Variants in DIP2C observed in about 807,000 individuals in gnomAD.
The protein encoded by DIP2C is disco-interacting protein 2 homolog C.
DIP2C carries 33 observed loss-of-function variants against 192.4 expected under a neutral mutation model. The observed-to-expected ratio is 0.17, with a 90% CI of 0.13 to 0.23. The LOEUF (loss-of-function observed/expected upper bound fraction) is 0.23, where lower values mean the gene tolerates loss of function less well. Ranked by LOEUF, DIP2C falls within the 10% of genes least tolerant of loss-of-function variation. The probability of loss-of-function intolerance (pLI) is 1.00; values close to 1 mark genes in which losing one functional copy is unlikely to be tolerated. For synonymous variants in DIP2C, 979 were observed against 864.1 expected (o/e 1.13, Z -2.33); for missense variants, 1,537 against 2,110.1 (o/e 0.73, Z 5.32).
At chr10:398,978 T>C (rs1171023865) in intron 10 of DIP2C, 131 bp downstream of exon 10, 8 of 712,460 alleles carry the variant, frequency 1.1e-5, no homozygotes, top group Non-Finnish European at 1.9e-5. Context: ...AGCGACCGCA[T>C]CCCTTATCGA....
intron 2 of DIP2C, among the ~76,000 whole-genome samples, chr10:472,884 G>A (rs752647957): frequency 1.3e-5 from 2 of 152,210 alleles, no homozygotes; most frequent in African/African-American, 2.4e-5. Context: ...ATAGACTCAA[G>A]TTATGACCTT....
intron 1 of DIP2C, among the ~76,000 whole-genome samples, chr10:505,863 T>G (rs551518755): frequency 6.6e-6 from 1 of 152,220 alleles, no homozygotes; most frequent in East Asian, 1.9e-4. Flanking sequence ...CTGACAACAG[T>G]AGGATGCTGC....
chr10:493,080 G>A (rs1279370018), intron 1 of DIP2C, among the ~76,000 whole-genome samples: 2 of 152,178 alleles, frequency 1.3e-5, no homozygotes, highest in South Asian at 2.1e-4. Flanking sequence ...CTGCAGCCTC[G>A]AAACACCCCC....
At chr10:419,934 T>C (rs1031821157) in intron 5 of DIP2C, among the ~76,000 whole-genome samples, 12 of 152,098 alleles carry the variant, frequency 7.9e-5, no homozygotes, top group African/African-American at 2.7e-4. Flanking sequence ...AAAGCATGCT[T>C]TTCTATTTAA....
chr10:394,566 CGT>C (rs1963809091), intron 10 of DIP2C, among the ~76,000 whole-genome samples: 1 of 79,712 alleles, frequency 1.3e-5, no homozygotes, highest in African/African-American at 4.7e-5. Context: ...AAGGACATTA[CGT>C]CACATAGTGG....
intron 1 of DIP2C, among the ~76,000 whole-genome samples, chr10:525,931 C>T (rs914624877): frequency 6.6e-6 from 1 of 152,162 alleles, no homozygotes; most frequent in Admixed American, 6.5e-5. Context: ...TCCAAGTAGC[C>T]CAGGTGAGCT....
In DIP2C at chr10:311,059, T is replaced by C. The variant is rs756708231; in HGVS notation, c.3925-967A>G. On this transcript the variant is annotated intron_variant, in intron 31 of 36. Coordinates refer to ENST00000280886, the MANE Select transcript of DIP2C (RefSeq NM_014974.3). ...AAGACAATGTCATGAAAACATACCA[T>C]AGTACTCAATAACCCTGGGCCCTGG... 1.8e-4 allele frequency among the ~76,000 whole-genome samples: 27 copies of C among 151,164 alleles called. 1 individual carries two copies. Among genetic ancestry groups the C allele is most frequent in the Admixed American group, 5.9e-4 (9 of 15,190 alleles).
chr10:670,296 A>G lies in DIP2C; in HGVS notation c.85+19198T>C, dbSNP rs891465766. On this transcript the variant is annotated intron_variant, in intron 1 of 36. Coordinates refer to ENST00000280886, the MANE Select transcript of DIP2C (RefSeq NM_014974.3). ...TGCATATACACACGTACACATGCACACACATACGCACATACATGCATATAC... is the reference window on the plus strand; with the variant it reads ...TGCATATACACACGTACACATGCACGCACATACGCACATACATGCATATAC... Among the ~76,000 whole-genome samples, 5 of 152,060 alleles carry G rather than the reference A, an allele frequency of 3.3e-5. No individual in the cohort carries two copies. In the East Asian group the frequency reaches 7.7e-4, roughly 23 times the overall value.
chr10:566,992 C>G lies in DIP2C; in HGVS notation c.86-80462G>C, dbSNP rs554210365. On this transcript the variant is annotated intron_variant, in intron 1 of 36. Transcript: ENST00000280886. ...CTCAAATCTCTTTGAGATGAACTGA[C>G]CTATTCAGAAAGGGAAAAATAATTC... 9.6e-4 allele frequency among the ~76,000 whole-genome samples: 146 copies of G among 152,220 alleles called. 3 individuals carry two copies. The highest frequency in any genetic ancestry group is 9.5e-3 in the Admixed American group (146 of 15,296).
intron 9 of DIP2C, among the ~76,000 whole-genome samples, chr10:405,114 T>C (rs1964709221): frequency 6.6e-6 from 1 of 152,252 alleles, no homozygotes; most frequent in Admixed American, 6.5e-5. Context: ...GACTTGTTAA[T>C]CTTCCCAGAA....
intron 1 of DIP2C, chr10:650,000 A>C (rs1855752812): frequency 1.6e-6 from 1 of 645,138 alleles, no homozygotes; most frequent in Non-Finnish European, 2.8e-6. Flanking sequence ...TCCAAAGTTC[A>C]CATCAACAAT....
At chr10:617,334 AC>A (rs1411786401) in intron 1 of DIP2C, among the ~76,000 whole-genome samples, 14 of 152,014 alleles carry the variant, frequency 9.2e-5, no homozygotes, top group Admixed American at 3.3e-4. Flanking sequence ...GTTCCACCCC[AC>A]TCAGCTGTGA....
rs148004134 is a variant in DIP2C, at chr10:337,049, G to GGTGTGTGTGTGTGTGTGTGTGT, written c.3584+4128_3584+4149dup. ...TGTGTGTGTTGTGGAGGCCTAGACT[G>GGTGTGTGTGTGTGTGTGTGTGT]GTGTGTGTGTGTGTGTGTGTGTGTT... On this transcript the variant is annotated intron_variant, in intron 29 of 36. Coordinates refer to ENST00000280886, the MANE Select transcript of DIP2C (RefSeq NM_014974.3). Among the ~76,000 whole-genome samples the GGTGTGTGTGTGTGTGTGTGTGT allele has an allele frequency of 1.8e-3, 67 of 37,952 alleles. 14 individuals are homozygous for GGTGTGTGTGTGTGTGTGTGTGT. The highest frequency in any genetic ancestry group is 3.5e-3 in the African/African-American group (28 of 7,928). The allele number at this position is 37,952 out of a possible 152,430, so 24.9% of individuals were successfully genotyped here.
intron 1 of DIP2C, among the ~76,000 whole-genome samples, chr10:586,997 G>A (rs1460314826): frequency 1.3e-5 from 2 of 151,914 alleles, no homozygotes; most frequent in African/African-American, 4.8e-5. Flanking sequence ...ACAGCATGGC[G>A]AGGTGCAAAC....
intron 4 of DIP2C, among the ~76,000 whole-genome samples, chr10:426,009 A>C (rs568834826): frequency 6.6e-6 from 1 of 152,348 alleles, no homozygotes; most frequent in African/African-American, 2.4e-5. Context: ...GGCAGGTTCT[A>C]GCTAGTGAAA....
chr10:457,933 G>C (rs550715971), intron 3 of DIP2C, among the ~76,000 whole-genome samples: 1 of 152,262 alleles, frequency 6.6e-6, no homozygotes, highest in African/African-American at 2.4e-5. Context: ...CCACAGCTGC[G>C]GCCCCAGAGC....
intron 33 of DIP2C, 110 bp downstream of exon 33, chr10:288,254 A>C: frequency 9.1e-7 from 1 of 1,095,362 alleles, no homozygotes; most frequent in Non-Finnish European, 1.3e-6. Flanking sequence ...TACTTTCAAG[A>C]AATTGTTTTG....
Position 442,369 on chromosome 10 carries a change from CTAGA to C in DIP2C, c.269-1377_269-1374del, listed in dbSNP as rs538491731. Reference sequence around the variant, plus strand: ...CCTTTGTGCGTACTTCTCTCTCTAACTAGATAAAGAGCCTGGTTTTCTGGCCACT... The same window carrying C: ...CCTTTGTGCGTACTTCTCTCTCTAACTAAAGAGCCTGGTTTTCTGGCCACT... On this transcript the variant is annotated intron_variant, in intron 3 of 36. Coordinates refer to ENST00000280886, the MANE Select transcript of DIP2C (RefSeq NM_014974.3). 5.5e-3 allele frequency among the ~76,000 whole-genome samples: 840 copies of C among 152,210 alleles called. 7 individuals are homozygous for C. Among genetic ancestry groups the C allele is most frequent in the African/African-American group, 0.018 (768 of 41,538 alleles).
At chr10:535,703 C>T (rs1847657840) in intron 1 of DIP2C, among the ~76,000 whole-genome samples, 2 of 152,146 alleles carry the variant, frequency 1.3e-5, no homozygotes, top group Admixed American at 6.5e-5. Context: ...ATCATAAAAA[C>T]TGTATGTGGG....
Sources: allele counts gnomAD v4.1 joint callset (sites outside exome capture counted in the v4.1 genomes callset), GRCh38; gene constraint gnomAD v4.1.1; transcripts MANE v1.5; gene names NCBI Gene and HGNC (gene_info 2026-07-23, HGNC 2026-07-21).